FRY: variants seen among roughly 807,000 people sequenced by gnomAD.
The protein encoded by FRY is FRY microtubule binding protein, also known as protein furry homolog.
Under a neutral mutation model 348.4 loss-of-function variants are expected in FRY, and 128 were observed. The observed-to-expected ratio is 0.37, with a 90% CI of 0.32 to 0.43. FRY has a LOEUF of 0.43. Among genes scored for constraint, FRY ranks in the 20% least tolerant of loss-of-function variants. The pLI is 1.00. For missense variants in FRY, 2,736 were observed against 3,695.2 expected (o/e 0.74, Z 6.73); for synonymous variants, 1,370 against 1,374.7 (o/e 1.00, Z 0.08).
chr13:32,154,669 C>T (rs1220623158), intron 14 of FRY, among the ~76,000 whole-genome samples: 1 of 152,204 alleles, frequency 6.6e-6, no homozygotes, highest in Non-Finnish European at 1.5e-5. Flanking sequence ...AAATTATTTT[C>T]ATCAGTCCTA....
intron 43 of FRY, among the ~76,000 whole-genome samples, chr13:32,236,735 G>A (rs917724470): frequency 3.3e-5 from 5 of 151,588 alleles, no homozygotes; most frequent in South Asian, 2.1e-4. Context: ...AAATTGAGTC[G>A]GTAATGTTAT....
At chr13:32,046,100 C>G (rs1437467569) in intron 1 of FRY, among the ~76,000 whole-genome samples, 1 of 152,174 alleles carries the variant, frequency 6.6e-6, no homozygotes, top group Non-Finnish European at 1.5e-5. Flanking sequence ...TTCTGCCAAA[C>G]AAGGCCCTTG....
chr13:32,230,056 TA>T (rs566645575), intron 40 of FRY, among the ~76,000 whole-genome samples: 80 of 152,340 alleles, frequency 5.3e-4, no homozygotes, highest in African/African-American at 1.8e-3. Context: ...TTGTTTAAAA[TA>T]TTTTTTTAAC....
At chr13:32,090,417 C>T (rs1398351304) in intron 2 of FRY, among the ~76,000 whole-genome samples, 4 of 147,986 alleles carry the variant, frequency 2.7e-5, no homozygotes, top group African/African-American at 1.0e-4. Flanking sequence ...GAAGGCACTA[C>T]GATGAAAAGG....
intron 58 of FRY, among the ~76,000 whole-genome samples, chr13:32,285,703 C>T (rs1350580842): frequency 6.6e-6 from 1 of 152,220 alleles, no homozygotes; most frequent in African/African-American, 2.4e-5. Context: ...TTTCACACTT[C>T]TGAAAAGTAA....
In FRY at chr13:32,043,172, C is replaced by T. The variant is rs534926803; in HGVS notation, c.70+11307C>T. Among the ~76,000 whole-genome samples the T allele has an allele frequency of 4.1e-4, 63 of 152,262 alleles. 2 individuals carry two copies. In the South Asian group the frequency reaches 0.013, roughly 31 times the overall value. ...CAAGTGAAATGGGTTATCAAACCAT[C>T]GGATCTTGTGAAATGTATTCACTAC... On this transcript the variant is annotated intron_variant, in intron 1 of 60. Coordinates refer to ENST00000542859, the MANE Select transcript of FRY (RefSeq NM_023037.3).
chr13:32,147,480 A>C (rs1266932344), intron 12 of FRY, 95 bp downstream of exon 12: 1 of 751,612 alleles, frequency 1.3e-6, no homozygotes, highest in African/African-American at 1.7e-5. Flanking sequence ...ACTAGAAGCT[A>C]TTCAAAGCTG....
intron 11 of FRY, among the ~76,000 whole-genome samples, chr13:32,141,577 G>C (rs1228877597): frequency 2.0e-5 from 3 of 152,138 alleles, no homozygotes; most frequent in African/African-American, 7.2e-5. Flanking sequence ...CACTTTCTGA[G>C]GTTCTGGTTC....
intron 24 of FRY, among the ~76,000 whole-genome samples, chr13:32,183,423 T>G (rs1882825802): frequency 6.6e-6 from 1 of 152,146 alleles, no homozygotes; most frequent in Non-Finnish European, 1.5e-5. Flanking sequence ...TAGCATCACC[T>G]TCCCTGAAGT....
chr13:32,223,348 C>T (rs947892866), intron 36 of FRY, among the ~76,000 whole-genome samples: 3 of 152,064 alleles, frequency 2.0e-5, no homozygotes, highest in African/African-American at 7.2e-5. Flanking sequence ...TTTTTCTTTT[C>T]GTATATCTGT....
At chr13:32,244,308 A>G in intron 47 of FRY, 126 bp downstream of exon 47, 1 of 865,762 alleles carries the variant, frequency 1.2e-6, no homozygotes, top group Non-Finnish European at 1.9e-6. Flanking sequence ...TCCATGGCAC[A>G]GCCAGGGCAG....
At chr13:32,163,816 A>G (rs1468590420) in intron 17 of FRY, among the ~76,000 whole-genome samples, 11 of 152,220 alleles carry the variant, frequency 7.2e-5, no homozygotes, top group African/African-American at 2.7e-4. Context: ...AGTGCTATTT[A>G]TAGTGCGTCC....
chr13:32,172,648 CTA>C (rs1418484837), intron 18 of FRY, among the ~76,000 whole-genome samples: 1 of 152,106 alleles, frequency 6.6e-6, no homozygotes, highest in Non-Finnish European at 1.5e-5. Flanking sequence ...AACTGAGAGT[CTA>C]AAGACTGTGG....
Position 32,236,120 on chromosome 13 carries a change from G to A in FRY, c.5758G>A (p.Asp1920Asn). 2 of 1,614,098 alleles carry A rather than the reference G, an allele frequency of 1.2e-6. No homozygotes were observed. The highest frequency in any genetic ancestry group is 1.1e-5 in the South Asian group (1 of 91,080). ...GCTCCTAACCTTGGAGGCGGCTGTG[G>A]ATAACTTGTCTGACTGCTTGAAGAA... Reference protein sequence around the residue: ...EALLTLEAAVDNLSDCLKNSD... With the variant: ...EALLTLEAAVNNLSDCLKNSD... Residue 1920 changes from aspartate to asparagine, a missense_variant, in exon 43 of 61, where the codon GAT becomes AAT. Asp to Asn is a conservative substitution (Grantham distance 23). This residue lies in a region of FRY where 794 missense variants were observed against 977.0 expected (regional missense o/e 0.81). Coordinates refer to ENST00000542859, the MANE Select transcript of FRY (RefSeq NM_023037.3).
At chr13:32,092,319 T>C (rs1348472211) in intron 2 of FRY, among the ~76,000 whole-genome samples, 1 of 152,234 alleles carries the variant, frequency 6.6e-6, no homozygotes, top group Admixed American at 6.5e-5. Flanking sequence ...CGTCTTGATA[T>C]ATCAGACTCC....
At chr13:32,187,758 A>G (rs536685523) in intron 28 of FRY, 102 bp downstream of exon 28, 1 of 723,816 alleles carries the variant, frequency 1.4e-6, no homozygotes, top group East Asian at 2.6e-5. Flanking sequence ...CTCTTCACAC[A>G]TCAGCCACAC....
chr13:32,238,356 GTTC>G (rs1236538306), intron 44 of FRY, among the ~76,000 whole-genome samples: 2 of 151,052 alleles, frequency 1.3e-5, no homozygotes, highest in African/African-American at 2.4e-5. Context: ...TCTGCTTTTT[GTTC>G]TTCTTGGAAA....
chr13:32,245,751 G>A (rs894957444), intron 47 of FRY, among the ~76,000 whole-genome samples: 2 of 152,094 alleles, frequency 1.3e-5, no homozygotes, highest in Non-Finnish European at 2.9e-5. Context: ...GCCACGATGG[G>A]GTTAAGTAGA....
intron 2 of FRY, among the ~76,000 whole-genome samples, chr13:32,095,684 A>C (rs943826103): frequency 2.0e-5 from 3 of 151,934 alleles, no homozygotes. Context: ...CCCATTTGTT[A>C]ATTTTTGCTT....
Sources: gnomAD v4.1 joint callset for allele counts (sites outside exome capture counted in the v4.1 genomes callset) on GRCh38, gnomAD v4.1.1 for gene constraint, gnomAD v4.1.1 regional missense constraint, MANE v1.5 for transcripts, NCBI Gene and HGNC (gene_info 2026-07-23, HGNC 2026-07-21) for gene names.